The following TSHZ3 variants were observed in gnomAD, a reference collection of about 807,000 sequenced individuals.
The protein encoded by TSHZ3 is teashirt homolog 3.
Under a neutral mutation model 64.5 loss-of-function variants are expected in TSHZ3, and 10 were observed. The ratio of observed to expected loss-of-function variants is 0.16; its 90% CI spans 0.10 to 0.26. The LOEUF (loss-of-function observed/expected upper bound fraction) is 0.26, where lower values mean the gene tolerates loss of function less well. Ranked by LOEUF, TSHZ3 falls within the 10% of genes least tolerant of loss-of-function variation. The pLI, the probability that TSHZ3 is intolerant of heterozygous loss-of-function variation, is 1.00. For missense variants in TSHZ3, 1,242 were observed against 1,421.7 expected, an observed-to-expected ratio of 0.87 and a Z score of 2.03; for synonymous variants, 608 against 593.1, an observed-to-expected ratio of 1.03 and a Z score of -0.36.
At chr19:31,249,275 C>T (rs1421891820) in intron 1 of TSHZ3, among the ~76,000 whole-genome samples, 1 of 152,172 alleles carries the variant, frequency 6.6e-6, no homozygotes, top group African/African-American at 2.4e-5. Context: ...GCTAGGTGTC[C>T]GCTTATTCAG....
intron 1 of TSHZ3, among the ~76,000 whole-genome samples, chr19:31,323,616 G>A (rs1366939069): frequency 6.6e-6 from 1 of 151,948 alleles, no homozygotes; most frequent in South Asian, 2.1e-4. Flanking sequence ...TCAGTGATGC[G>A]GCTGGTTTAC....
chr19:31,248,397 C>T lies in TSHZ3; in HGVS notation n.64-5522G>A, dbSNP rs560570160. Among the ~76,000 whole-genome samples, 11 of 152,190 alleles carry T rather than the reference C, an allele frequency of 7.2e-5. No individual in the cohort carries two copies. The East Asian group carries it at 1.9e-3, about 27-fold the overall frequency. On this transcript the variant is annotated intron_variant and non_coding_transcript_variant, in intron 1 of 6. Transcript: ENST00000651361. ...TAAAAAGAAATGGCAAGTTTAAAGGCAAAATAAAGGGGTAGACAAAACAAC... is the reference window on the plus strand; with the variant it reads ...TAAAAAGAAATGGCAAGTTTAAAGGTAAAATAAAGGGGTAGACAAAACAAC...
rs56233022 is a variant in TSHZ3 at position 31,260,875 on chromosome 19, C to A, written n.64-18000G>T. Among the ~76,000 whole-genome samples, 1,231 of 152,316 alleles carry A rather than the reference C, an allele frequency of 8.1e-3. 9 individuals carry two copies. Among genetic ancestry groups the A allele is most frequent in the Non-Finnish European group, 0.013 (856 of 68,030 alleles). On this transcript the variant is annotated intron_variant and non_coding_transcript_variant, in intron 1 of 6. Coordinates refer to the TSHZ3 transcript ENST00000651361. The stretch of plus-strand genomic sequence containing the variant: ...GCTTGAACTCAAAGGTTGTGAGAAT[C>A]CATTCACCACATGCATTTTTAAAAT...
At chr19:31,180,661 A>C (rs1022720670) in intron 5 of TSHZ3, among the ~76,000 whole-genome samples, 1 of 152,244 alleles carries the variant, frequency 6.6e-6, no homozygotes, top group Non-Finnish European at 1.5e-5. Context: ...TTTTGGTCCC[A>C]AAAAATGTTG....
chr19:31,166,155 C>A (rs1237013993), intron 5 of TSHZ3, among the ~76,000 whole-genome samples: 1 of 152,172 alleles, frequency 6.6e-6, no homozygotes, highest in Non-Finnish European at 1.5e-5. Flanking sequence ...GTGCTCGGGG[C>A]TGGGAGGTTT....
At chr19:31,299,931 C>T (rs1976725575) in intron 1 of TSHZ3, among the ~76,000 whole-genome samples, 2 of 152,210 alleles carry the variant, frequency 1.3e-5, no homozygotes, top group Non-Finnish European at 2.9e-5. Flanking sequence ...CCTTTACACG[C>T]ACCCTCACCA....
chr19:31,349,164 G>C lies in TSHZ3; in HGVS notation c.40+16C>G. The C allele has an allele frequency of 6.5e-7, 1 of 1,541,056 alleles. No individual in the cohort carries two copies. ...AGAGGAGGAGGAGAGCAGAAGGAAGGGGAAGCGGCTCGTACCTGCTGCGCG... is the reference window on the plus strand; with the variant it reads ...AGAGGAGGAGGAGAGCAGAAGGAAGCGGAAGCGGCTCGTACCTGCTGCGCG... On this transcript the variant is annotated intron_variant, in intron 1 of 1. Coordinates refer to ENST00000240587, the MANE Select transcript of TSHZ3 (RefSeq NM_020856.4).
intron 5 of TSHZ3, among the ~76,000 whole-genome samples, chr19:31,196,978 G>A (rs1193315564): frequency 1.3e-5 from 2 of 151,906 alleles, no homozygotes; most frequent in African/African-American, 4.8e-5. Flanking sequence ...AATATCTATA[G>A]ACAGCTTCAT....
chr19:31,318,620 T>G (rs1376503932), intron 1 of TSHZ3, among the ~76,000 whole-genome samples: 1 of 152,212 alleles, frequency 6.6e-6, no homozygotes, highest in Non-Finnish European at 1.5e-5. Context: ...TATCTTATTT[T>G]GGGTAATTTT....
chr19:31,222,780 G>A (rs1269594824), intron 4 of TSHZ3, among the ~76,000 whole-genome samples: 1 of 151,900 alleles, frequency 6.6e-6, no homozygotes, highest in Non-Finnish European at 1.5e-5. Flanking sequence ...CTTTGCCCTG[G>A]GAATCTCGTC....
intron 4 of TSHZ3, among the ~76,000 whole-genome samples, chr19:31,224,996 G>T (rs1025924386): frequency 2.0e-5 from 3 of 152,208 alleles, no homozygotes; most frequent in African/African-American, 7.2e-5. Flanking sequence ...CCCAAGAGCA[G>T]CTTCTGAACA....
At chr19:31,244,688 G>C (rs529255815) in intron 1 of TSHZ3, among the ~76,000 whole-genome samples, 1 of 152,188 alleles carries the variant, frequency 6.6e-6, no homozygotes, top group East Asian at 1.9e-4. Context: ...CTGTCCCCCA[G>C]GCTGGAGTGC....
intron 5 of TSHZ3, among the ~76,000 whole-genome samples, chr19:31,196,492 G>A (rs1275918203): frequency 6.6e-6 from 1 of 151,918 alleles, no homozygotes; most frequent in Non-Finnish European, 1.5e-5. Context: ...CACTTTGAAT[G>A]CCAATGGTTA....
chr19:31,321,233 C>G (rs1916760684), intron 1 of TSHZ3, among the ~76,000 whole-genome samples: 1 of 152,094 alleles, frequency 6.6e-6, no homozygotes, highest in African/African-American at 2.4e-5. Context: ...TCAATCATTC[C>G]AAGGTGGAGG....
intron 1 of TSHZ3, among the ~76,000 whole-genome samples, chr19:31,299,466 G>A (rs1394740696): frequency 6.6e-6 from 1 of 152,144 alleles, no homozygotes; most frequent in East Asian, 1.9e-4. Flanking sequence ...GTGGGATGCG[G>A]GTGTTTTTCT....
At chr19:31,332,507 T>G (rs1917125249) in intron 1 of TSHZ3, among the ~76,000 whole-genome samples, 2 of 152,138 alleles carry the variant, frequency 1.3e-5, no homozygotes, top group South Asian at 4.1e-4. Context: ...CAGATGTGAT[T>G]GGGGCACAAA....
chr19:31,350,698 G>A (rs570313412), upstream of TSHZ3, among the ~76,000 whole-genome samples: 2 of 151,284 alleles, frequency 1.3e-5, no homozygotes, highest in Non-Finnish European at 3.0e-5. Context: ...CGTGGGCGGC[G>A]GGGCGACGCG....
intron 5 of TSHZ3, among the ~76,000 whole-genome samples, chr19:31,172,954 C>A (rs548628715): frequency 6.6e-6 from 1 of 152,244 alleles, no homozygotes; most frequent in Non-Finnish European, 1.5e-5. Context: ...AAAAAACACC[C>A]AAGATAGGGA....
intron 5 of TSHZ3, among the ~76,000 whole-genome samples, chr19:31,204,274 C>T (rs1007925582): frequency 4.0e-5 from 6 of 151,324 alleles, no homozygotes; most frequent in Non-Finnish European, 5.9e-5. Flanking sequence ...TTCTCTTGCT[C>T]CCTCTCTTCC....
Sources: allele counts gnomAD v4.1 joint callset (sites outside exome capture counted in the v4.1 genomes callset), GRCh38; gene constraint gnomAD v4.1.1; transcripts MANE v1.5; gene names NCBI Gene and HGNC (gene_info 2026-07-23, HGNC 2026-07-21).